DEFB125: variants seen among roughly 807,000 people sequenced by gnomAD.
DEFB125 encodes the protein defensin beta 125, also known as beta-defensin 125.
A neutral mutation model predicts 11.8 loss-of-function variants in DEFB125; 11 were observed. The ratio of observed to expected loss-of-function variants is 0.94; its 90% CI spans 0.59 to 1.55. The LOEUF (loss-of-function observed/expected upper bound fraction) is 1.55. Among genes scored for constraint, DEFB125 ranks in the 40% most tolerant of loss-of-function variants. The pLI is 0.00. For missense variants in DEFB125, 198 were observed against 191.2 expected (o/e 1.04, Z -0.21); for synonymous variants, 79 against 66.7 (o/e 1.18, Z -0.90).
At chr20:92,969 CTTTTT>C (rs33976266) in intron 1 of DEFB125, among the ~76,000 whole-genome samples, 4 of 116,040 alleles carry the variant, frequency 3.4e-5, no homozygotes, top group East Asian at 2.5e-4. Flanking sequence ...TCCTTTTCTG[CTTTTT>C]TTTTTTTTTT....
intron 1 of DEFB125, among the ~76,000 whole-genome samples, chr20:92,019 C>A (rs893772955): frequency 6.6e-6 from 1 of 152,160 alleles, no homozygotes; most frequent in Non-Finnish European, 1.5e-5. Context: ...CAACATTTCC[C>A]AGAGGATAAA....
intron 1 of DEFB125, among the ~76,000 whole-genome samples, chr20:94,709 T>C (rs1288928612): frequency 1.3e-5 from 2 of 152,144 alleles, no homozygotes; most frequent in Admixed American, 6.6e-5. Context: ...CTGGAACTTT[T>C]TCCTCCTATC....
At chr20:88,498 A>C (rs2054484562) in intron 1 of DEFB125, among the ~76,000 whole-genome samples, 1 of 152,222 alleles carries the variant, frequency 6.6e-6, no homozygotes, top group Non-Finnish European at 1.5e-5. Flanking sequence ...TCTGTCCAAG[A>C]ATACCAGTTC....
intron 1 of DEFB125, among the ~76,000 whole-genome samples, chr20:88,902 CACCT>C (rs1014298851): frequency 7.0e-6 from 1 of 143,646 alleles, no homozygotes; most frequent in Admixed American, 7.0e-5. Context: ...ACAGTCAAAC[CACCT>C]ACCAGAAAAG....
chr20:91,489 G>A (rs192699928), intron 1 of DEFB125, among the ~76,000 whole-genome samples: 3 of 152,230 alleles, frequency 2.0e-5, no homozygotes, highest in Admixed American at 6.5e-5. Flanking sequence ...AGCAGGGAGT[G>A]CATTTACTTT....
At chr20:94,958 T>C (rs1034308196) in intron 1 of DEFB125, among the ~76,000 whole-genome samples, 1 of 152,180 alleles carries the variant, frequency 6.6e-6, no homozygotes, top group Non-Finnish European at 1.5e-5. Context: ...TGGGCTTCCC[T>C]GTGGGATTGT....
At chr20:94,497 A>G (rs781287981) in intron 1 of DEFB125, among the ~76,000 whole-genome samples, 1 of 152,182 alleles carries the variant, frequency 6.6e-6, no homozygotes, top group Non-Finnish European at 1.5e-5. Flanking sequence ...CACACATCCT[A>G]GATCCCTCAC....
At chr20:93,261 G>A (rs572581290) in intron 1 of DEFB125, among the ~76,000 whole-genome samples, 10 of 152,058 alleles carry the variant, frequency 6.6e-5, no homozygotes, top group Non-Finnish European at 1.3e-4. Context: ...GAGCCACTGC[G>A]CCCAGACTGC....
At chr20:92,373 C>G (rs549279638) in intron 1 of DEFB125, among the ~76,000 whole-genome samples, 61 of 151,142 alleles carry the variant, frequency 4.0e-4, no homozygotes, top group African/African-American at 1.4e-3. Flanking sequence ...TACTGCATTT[C>G]TCTTGTAAAT....
chr20:90,575 A>G (rs767567236), intron 1 of DEFB125, among the ~76,000 whole-genome samples: 5 of 152,174 alleles, frequency 3.3e-5, no homozygotes, highest in Non-Finnish European at 5.9e-5. Flanking sequence ...TGATCCGCTT[A>G]CACTGGAAGT....
intron 1 of DEFB125, among the ~76,000 whole-genome samples, chr20:92,517 C>T (rs937214146): frequency 1.3e-5 from 2 of 151,286 alleles, no homozygotes; most frequent in African/African-American, 4.9e-5. Context: ...CTCAGCCTCC[C>T]GAGTAGCTGG....
At chr20:93,384 CT>C (rs1295135166) in intron 1 of DEFB125, among the ~76,000 whole-genome samples, 1 of 152,216 alleles carries the variant, frequency 6.6e-6, no homozygotes, top group Non-Finnish European at 1.5e-5. Context: ...ATTTATTTCT[CT>C]GCTTTTCTTT....
chr20:96,286 G>A lies in DEFB125; in HGVS notation c.340G>A (p.Glu114Lys). The A allele has an allele frequency of 3.1e-6, 5 of 1,614,046 alleles. No individual in the cohort carries two copies. Among genetic ancestry groups the A allele is most frequent in the Non-Finnish European group, 4.2e-6 (5 of 1,180,004 alleles). ...TTKFGETMTP[E>K]TNTPETTMPP... Reference sequence around the variant, plus strand: ...TAAATTTGGAGAAACCATGACACCTGAGACCAATACTCCTGAGACTACTAT... The same window carrying A: ...TAAATTTGGAGAAACCATGACACCTAAGACCAATACTCCTGAGACTACTAT... The change falls in exon 2 of 2, where the codon GAG becomes AAG. Residue 114 changes from glutamate to lysine, a missense_variant. Physicochemically the swap from Glu to Lys is moderately conservative, Grantham distance 56 (BLOSUM62 1). Transcript: ENST00000382410.
intron 1 of DEFB125, among the ~76,000 whole-genome samples, chr20:92,387 C>T (rs2054499348): frequency 6.8e-6 from 1 of 148,028 alleles, no homozygotes; most frequent in Non-Finnish European, 1.5e-5. Context: ...TGTAAATGAA[C>T]CTTCCTTCTT....
At position 96,179 on chromosome 20, in the gene DEFB125, T is replaced by A. The variant is rs778362608; in HGVS notation, c.233T>A (p.Ile78Lys). The A allele has an allele frequency of 1.9e-6, 3 of 1,614,162 alleles. No homozygotes were observed. Among genetic ancestry groups the A allele is most frequent in the Admixed American group, 1.7e-5 (1 of 60,012 alleles). Residue 78 changes from isoleucine to lysine, a missense_variant, in exon 2 of 2, where the codon ATA (isoleucine) becomes AAA (lysine). Coordinates refer to ENST00000382410, the MANE Select transcript of DEFB125 (RefSeq NM_153325.4). Reference sequence around the variant, plus strand: ...TTTCCTGTGATTCACCTAGAGGATATAACATTGGATTATAGTGATGTGGAC... The same window carrying A: ...TTTCCTGTGATTCACCTAGAGGATAAAACATTGGATTATAGTGATGTGGAC... ...PAFPVIHLED[I>K]TLDYSDVDSF...
At chr20:88,812 C>G (rs1402931025) in intron 1 of DEFB125, among the ~76,000 whole-genome samples, 1 of 150,488 alleles carries the variant, frequency 6.6e-6, no homozygotes, top group Non-Finnish European at 1.5e-5. Flanking sequence ...AACAATTCAG[C>G]AAGAAAAATT....
intron 1 of DEFB125, among the ~76,000 whole-genome samples, chr20:92,379 T>C (rs2054499308): frequency 6.6e-6 from 1 of 151,022 alleles, no homozygotes; most frequent in African/African-American, 2.5e-5. Context: ...ATTTCTCTTG[T>C]AAATGAACCT....
In DEFB125 at chr20:96,338, A is replaced by G. The variant is rs374363647; in HGVS notation, c.392A>G (p.Glu131Gly). ...CCACCATCTGAGGCCACTACTCCCG[A>G]GACTACTATGCCACCATCTGAGACT... ...TMPPSEATTPETTMPPSETAT... is the reference protein window; with the variant it reads ...TMPPSEATTPGTTMPPSETAT... The change falls in exon 2 of 2, where the codon GAG becomes GGG. Residue 131 changes from glutamate (E) to glycine (G), a missense_variant. By Grantham distance (98) the Glu-to-Gly change is moderately conservative (BLOSUM62 -2). Coordinates refer to ENST00000382410, the MANE Select transcript of DEFB125 (RefSeq NM_153325.4). The G allele has an allele frequency of 6.2e-7, 1 of 1,613,484 alleles. No homozygotes were observed. The highest frequency in any genetic ancestry group is 1.3e-5 in the African/African-American group (1 of 75,026).
At chr20:92,488 G>T (rs971133215) in intron 1 of DEFB125, among the ~76,000 whole-genome samples, 5 of 151,404 alleles carry the variant, frequency 3.3e-5, no homozygotes, top group African/African-American at 1.2e-4. Flanking sequence ...CAACTCCCTG[G>T]TTCAAGTGAT....
Sources: allele counts gnomAD v4.1 joint callset (sites outside exome capture counted in the v4.1 genomes callset), GRCh38; gene constraint gnomAD v4.1.1; transcripts MANE v1.5; gene names NCBI Gene and HGNC (gene_info 2026-07-23, HGNC 2026-07-21).